Variants in PRTFDC1 observed in about 807,000 individuals in gnomAD.
The protein encoded by PRTFDC1 is phosphoribosyl transferase domain containing 1.
In PRTFDC1, 38 loss-of-function variants were observed where a neutral mutation model predicts 34.6. That is an observed-to-expected ratio of 1.10 (90% CI 0.85 to 1.44). The LOEUF is 1.44. PRTFDC1 is among the 40% of genes most tolerant of loss of function. The pLI is 0.00. For synonymous variants in PRTFDC1, 93 were observed against 98.1 expected, an observed-to-expected ratio of 0.95 and a Z score of 0.31; for missense variants, 270 against 283.0, an observed-to-expected ratio of 0.95 and a Z score of 0.33.
At chr10:24,939,393 A>G (rs1849112195) in intron 2 of PRTFDC1, among the ~76,000 whole-genome samples, 2 of 152,098 alleles carry the variant, frequency 1.3e-5, no homozygotes, top group African/African-American at 4.8e-5. Context: ...TATAAATACG[A>G]TAGATACTAA....
At chr10:24,878,146 G>C (rs1289039917) in intron 3 of PRTFDC1, among the ~76,000 whole-genome samples, 1 of 152,024 alleles carries the variant, frequency 6.6e-6, no homozygotes, top group African/African-American at 2.4e-5. Context: ...GGTGGCGAGT[G>C]CCTGCAATTC....
rs530324886 is a variant in PRTFDC1 at position 24,849,181 on chromosome 10, G to A, written c.*663C>T. 6.6e-6 allele frequency: 1 copy of A among 152,660 alleles called. No individual in the cohort carries two copies. The highest frequency in any genetic ancestry group is 2.4e-5 in the African/African-American group (1 of 41,540). 9.5% of individuals were successfully genotyped at this position (152,660 alleles called of 1,614,324 possible). A position where few individuals can be genotyped will look rare whatever the true frequency, so the allele number is the denominator to read the frequency against. On this transcript the variant is annotated 3_prime_UTR_variant, in exon 9 of 9. Transcript: ENST00000320152. ...CAGTTGAGTACATCCATGCATACAT[G>A]ACATACCGTCATCACATACCGGAAG...
At chr10:24,875,009 T>C (rs1312180135) in intron 3 of PRTFDC1, among the ~76,000 whole-genome samples, 3 of 152,182 alleles carry the variant, frequency 2.0e-5, no homozygotes, top group African/African-American at 7.2e-5. Context: ...AAGGGCATGT[T>C]TGTTTCTCCT....
chr10:24,949,733 TTA>T (rs1304615223), intron 1 of PRTFDC1, among the ~76,000 whole-genome samples: 3 of 115,156 alleles, frequency 2.6e-5, no homozygotes, highest in Non-Finnish European at 6.0e-5. Context: ...ATTTATTTAT[TTA>T]TTTATTTTTT....
At chr10:24,911,983 TGCCTGC>T (rs1198841182) in intron 3 of PRTFDC1, among the ~76,000 whole-genome samples, 1 of 151,834 alleles carries the variant, frequency 6.6e-6, no homozygotes, top group Non-Finnish European at 1.5e-5. Context: ...TATAAGAAAT[TGCCTGC>T]TGGGTGCTGT....
chr10:24,914,905 G>A (rs868284852), intron 3 of PRTFDC1, among the ~76,000 whole-genome samples: 16 of 152,008 alleles, frequency 1.1e-4, no homozygotes, highest in South Asian at 2.1e-4. Flanking sequence ...ACAGTTCTAG[G>A]GGCCTTCCAT....
intron 1 of PRTFDC1, among the ~76,000 whole-genome samples, chr10:24,942,895 GC>G (rs1345315385): frequency 6.6e-6 from 1 of 152,104 alleles, no homozygotes; most frequent in African/African-American, 2.4e-5. Context: ...TGATCCACCT[GC>G]CTCAGCTTCC....
chr10:24,875,765 A>C lies in PRTFDC1; in HGVS notation c.340-3702T>G, dbSNP rs562549208. On this transcript the variant is annotated intron_variant, in intron 3 of 8. Transcript: ENST00000320152. ...TCTAATCTAACATGTCTACTTCAAC[A>C]TTAATTAATCTAACATGTCCAATTA... Among the ~76,000 whole-genome samples the C allele has an allele frequency of 1.2e-3, 179 of 151,750 alleles. 1 individual carries two copies. Among genetic ancestry groups the C allele is most frequent in the Middle Eastern group, 6.9e-3 (2 of 288 alleles).
At chr10:24,914,028 G>C (rs1333607480) in intron 3 of PRTFDC1, among the ~76,000 whole-genome samples, 1 of 152,170 alleles carries the variant, frequency 6.6e-6, no homozygotes, top group African/African-American at 2.4e-5. Context: ...AGTAGGAAAA[G>C]TGAAATCCAA....
At chr10:24,924,680 A>T (rs1158516603) in intron 3 of PRTFDC1, among the ~76,000 whole-genome samples, 1 of 152,232 alleles carries the variant, frequency 6.6e-6, no homozygotes, top group Admixed American at 6.5e-5. Context: ...ACTTCTCAAA[A>T]GAAGACATTT....
chr10:24,892,540 C>T (rs1048448970), intron 3 of PRTFDC1, among the ~76,000 whole-genome samples: 9 of 151,882 alleles, frequency 5.9e-5, no homozygotes, highest in East Asian at 5.8e-4. Context: ...CATTCGTATA[C>T]GAGTGACATT....
intron 4 of PRTFDC1, among the ~76,000 whole-genome samples, chr10:24,863,505 A>T (rs1048632589): frequency 3.5e-4 from 53 of 152,200 alleles, no homozygotes; most frequent in African/African-American, 1.3e-3. Context: ...GATTATTTTC[A>T]TGCCTGCTAA....
intron 3 of PRTFDC1, among the ~76,000 whole-genome samples, chr10:24,885,920 A>G (rs2132532225): frequency 6.6e-6 from 1 of 152,346 alleles, no homozygotes; most frequent in South Asian, 2.1e-4. Context: ...ATTCCAACTA[A>G]ATGACGTTCT....
chr10:24,951,482 A>G, intron 1 of PRTFDC1: 3 of 823,992 alleles, frequency 3.6e-6, no homozygotes, highest in Non-Finnish European at 4.4e-6. Flanking sequence ...TAAATTAAGC[A>G]CTGAGCCCCA....
rs1849013533 is a variant in PRTFDC1, at chr10:24,934,238, GAA to G, written c.339+2944_339+2945del. Among the ~76,000 whole-genome samples, 127 of 96,000 alleles carry G rather than the reference GAA, an allele frequency of 1.3e-3. 1 individual carries two copies. The highest frequency in any genetic ancestry group is 3.0e-3 in the Admixed American group (31 of 10,408). The allele number at this position is 96,000 out of a possible 152,430, so 63.0% of individuals were successfully genotyped here. On this transcript the variant is annotated intron_variant, in intron 3 of 8. Transcript: ENST00000320152. ...CAAAGAAGAAGAAGAAGAAGAAGAA[GAA>G]GAAGAAGGAGAAGAAGAAGAAGAAG...
intron 3 of PRTFDC1, 111 bp from the exon 4 acceptor site, chr10:24,872,174 C>T: frequency 1.1e-6 from 1 of 892,174 alleles, no homozygotes; most frequent in Non-Finnish European, 1.8e-6. Flanking sequence ...ACAAATATAG[C>T]ACAAATAGCT....
At chr10:24,904,269 C>G (rs959926628) in intron 3 of PRTFDC1, among the ~76,000 whole-genome samples, 7 of 151,466 alleles carry the variant, frequency 4.6e-5, no homozygotes, top group Non-Finnish European at 1.0e-4. Context: ...AATACACACA[C>G]ACACACACAC....
Position 24,923,490 on chromosome 10 carries a change from C to T in PRTFDC1, c.339+13694G>A, listed in dbSNP as rs1025433288. On this transcript the variant is annotated intron_variant, in intron 3 of 8. Coordinates refer to ENST00000320152, the MANE Select transcript of PRTFDC1 (RefSeq NM_020200.7). ...GCAATATTTGCTGTTCTGCAGCCTC[C>T]GCTGGTGATACCCAGGTAAACGGGG... Among the ~76,000 whole-genome samples the T allele has an allele frequency of 5.3e-5, 8 of 152,178 alleles. No individual in the cohort carries two copies. The South Asian group carries it at 1.0e-3, about 20-fold the overall frequency.
intron 3 of PRTFDC1, among the ~76,000 whole-genome samples, chr10:24,917,112 G>C (rs528743832): frequency 1.3e-5 from 2 of 152,284 alleles, no homozygotes; most frequent in Admixed American, 6.5e-5. Flanking sequence ...ATAGTTCCAG[G>C]AGTCACTTAA....
Sources: gnomAD v4.1 joint callset for allele counts (sites outside exome capture counted in the v4.1 genomes callset) on GRCh38, gnomAD v4.1.1 for gene constraint, MANE v1.5 for transcripts, NCBI Gene and HGNC (gene_info 2026-07-23, HGNC 2026-07-21) for gene names.